Variants in SPOPL observed in about 807,000 individuals in gnomAD.
The protein encoded by SPOPL is speckle-type POZ protein-like.
A neutral mutation model predicts 53.8 loss-of-function variants in SPOPL; 23 were observed. That is an observed-to-expected ratio of 0.43 (90% CI 0.31 to 0.61). The LOEUF (loss-of-function observed/expected upper bound fraction) is 0.61, where lower values mean the gene tolerates loss of function less well. Among genes scored for constraint, SPOPL ranks in the 20% least tolerant of loss-of-function variants. The pLI is 0.12. For synonymous variants in SPOPL, 164 were observed against 149.7 expected (o/e 1.10, Z -0.70); for missense variants, 442 against 466.9 (o/e 0.95, Z 0.49).
chr2:138,506,846 G>C (rs1284916046), intron 1 of SPOPL, among the ~76,000 whole-genome samples: 1 of 152,186 alleles, frequency 6.6e-6, no homozygotes, highest in African/African-American at 2.4e-5. Flanking sequence ...AGTGAGGGAT[G>C]AGATTGCTTA....
intron 1 of SPOPL, among the ~76,000 whole-genome samples, chr2:138,537,279 G>A (rs1558870598): frequency 6.6e-6 from 1 of 152,072 alleles, no homozygotes; most frequent in African/African-American, 2.4e-5. Context: ...AGCAATTTCT[G>A]TCCCTTTTAA....
chr2:138,522,945 TGA>T (rs1684589013), intron 1 of SPOPL, among the ~76,000 whole-genome samples: 1 of 152,216 alleles, frequency 6.6e-6, no homozygotes, highest in Admixed American at 6.5e-5. Flanking sequence ...AAACCAACAC[TGA>T]GTGTTGTGCT....
intron 1 of SPOPL, among the ~76,000 whole-genome samples, chr2:138,519,179 T>C (rs1290485562): frequency 1.3e-5 from 2 of 152,230 alleles, no homozygotes; most frequent in Admixed American, 1.3e-4. Flanking sequence ...AAATTATTTT[T>C]GGTGCTTTAT....
At chr2:138,549,366 T>C (rs2104890596) in intron 1 of SPOPL, among the ~76,000 whole-genome samples, 1 of 152,266 alleles carries the variant, frequency 6.6e-6, no homozygotes, top group African/African-American at 2.4e-5. Context: ...TCAGTATATA[T>C]ATTGTCATGT....
intron 8 of SPOPL, among the ~76,000 whole-genome samples, chr2:138,563,545 A>G (rs1310250882): frequency 2.0e-5 from 3 of 152,204 alleles, no homozygotes; most frequent in Non-Finnish European, 4.4e-5. Flanking sequence ...CCATCATTAG[A>G]TATTCCTGCA....
At chr2:138,554,430 C>A in intron 5 of SPOPL, 2 of 1,225,818 alleles carry the variant, frequency 1.6e-6, no homozygotes, top group South Asian at 1.4e-5. Flanking sequence ...GATGCCCTTC[C>A]TTCTACAGAA....
chr2:138,542,592 A>G (rs1685097787), intron 1 of SPOPL, among the ~76,000 whole-genome samples: 1 of 151,992 alleles, frequency 6.6e-6, no homozygotes, highest in South Asian at 2.1e-4. Context: ...TGCTTAATAG[A>G]TCTTCCTCCA....
Position 138,550,538 on chromosome 2 carries a change from G to A in SPOPL, c.134G>A (p.Arg45Gln), listed in dbSNP as rs36099753. The change falls in exon 3 of 11, where the codon CGA becomes CAA. Residue 45 changes from arginine (R) to glutamine (Q), a missense_variant. Arg to Gln is a conservative substitution (Grantham distance 43, BLOSUM62 1). Transcript: ENST00000280098. ...ACCATTAATAACTTCAGTTTTTGTC[G>A]AGAGGAAATGGGTGAAGTGTTAAAA... ...MWTINNFSFC[R>Q]EEMGEVLKSS... 2.5e-6 allele frequency: 4 copies of A among 1,611,634 alleles called. No individual in the cohort carries two copies. The highest frequency in any genetic ancestry group is 4.5e-5 in the East Asian group (2 of 44,796).
chr2:138,566,196 G>C (rs528947484), intron 10 of SPOPL, among the ~76,000 whole-genome samples: 101 of 152,136 alleles, frequency 6.6e-4, no homozygotes, highest in Non-Finnish European at 9.4e-4. Flanking sequence ...AAAATTATTG[G>C]TTGTCTTGTA....
intron 1 of SPOPL, among the ~76,000 whole-genome samples, chr2:138,541,204 C>CT (rs919503804): frequency 3.3e-5 from 5 of 152,008 alleles, no homozygotes; most frequent in African/African-American, 4.8e-5. Flanking sequence ...CTAAAATTCT[C>CT]TTTTTTTGTT....
At chr2:138,532,340 A>T (rs1050652729) in intron 1 of SPOPL, among the ~76,000 whole-genome samples, 6 of 150,474 alleles carry the variant, frequency 4.0e-5, no homozygotes, top group Admixed American at 4.0e-4. Context: ...CTCTTGCATT[A>T]TGCTTAGAAT....
intron 1 of SPOPL, among the ~76,000 whole-genome samples, chr2:138,533,966 C>T (rs1684872883): frequency 6.6e-6 from 1 of 152,210 alleles, no homozygotes; most frequent in South Asian, 2.1e-4. Context: ...CATTTTATAA[C>T]TGGATAAAAT....
chr2:138,502,998 C>T lies in SPOPL; in HGVS notation c.-61+879C>T, dbSNP rs1255790465. Among the ~76,000 whole-genome samples the T allele has an allele frequency of 1.3e-5, 2 of 152,240 alleles. 1 individual carries two copies. The highest frequency in any genetic ancestry group is 4.1e-4 in the South Asian group (2 of 4,826). ...GATGCTTTGTCTATTTTTGAATAAT[C>T]TTGGGCCTAGTTTGACCCATTGTGG... On this transcript the variant is annotated intron_variant, in intron 1 of 10. Transcript: ENST00000280098.
chr2:138,564,662 C>T (rs1394072525), intron 8 of SPOPL, 46 bp from the exon 9 acceptor site: 1 of 1,603,612 alleles, frequency 6.2e-7, no homozygotes, highest in Non-Finnish European at 8.5e-7. Flanking sequence ...TATTCAGGAA[C>T]TTAGTTGGAG....
At chr2:138,517,435 A>G (rs777837964) in intron 1 of SPOPL, among the ~76,000 whole-genome samples, 5 of 152,182 alleles carry the variant, frequency 3.3e-5, no homozygotes, top group Admixed American at 6.5e-5. Flanking sequence ...AGAAATCTTC[A>G]GTAATTTTAA....
intron 2 of SPOPL, 24 bp from the exon 3 acceptor site, chr2:138,550,459 A>G (rs947247271): frequency 6.3e-7 from 1 of 1,597,862 alleles, no homozygotes; most frequent in African/African-American, 1.3e-5. Flanking sequence ...CATCATTATA[A>G]AAGTGGTTTT....
At chr2:138,552,442 G>A (rs1685333311) in intron 4 of SPOPL, 112 bp from the exon 5 acceptor site, 2 of 1,266,656 alleles carry the variant, frequency 1.6e-6, no homozygotes, top group Non-Finnish European at 2.1e-6. Context: ...TAACTTTTAT[G>A]ATGGATGTAT....
intron 10 of SPOPL, among the ~76,000 whole-genome samples, chr2:138,568,387 A>G (rs1685710718): frequency 6.6e-6 from 1 of 152,122 alleles, no homozygotes; most frequent in South Asian, 2.1e-4. Flanking sequence ...GAGAGGGATG[A>G]TGAGCTCTCA....
At chr2:138,522,468 G>A (rs1684580202) in intron 1 of SPOPL, among the ~76,000 whole-genome samples, 1 of 151,846 alleles carries the variant, frequency 6.6e-6, no homozygotes, top group Admixed American at 6.6e-5. Flanking sequence ...TTTTAAAACT[G>A]GGGTCCTGTG....
Sources: gnomAD v4.1 joint callset for allele counts (sites outside exome capture counted in the v4.1 genomes callset) on GRCh38, gnomAD v4.1.1 for gene constraint, MANE v1.5 for transcripts, NCBI Gene and HGNC (gene_info 2026-07-23, HGNC 2026-07-21) for gene names.